Variants in RCC2 observed in about 807,000 individuals in gnomAD.
The protein encoded by RCC2 is protein RCC2.
A neutral mutation model predicts 64.1 loss-of-function variants in RCC2; 19 were observed. That is an observed-to-expected ratio of 0.30 (90% CI 0.21 to 0.44). The LOEUF (loss-of-function observed/expected upper bound fraction) is 0.44. RCC2 is among the 20% of genes least tolerant of loss of function. The pLI is 1.00. For missense variants in RCC2, 508 were observed against 710.4 expected (o/e 0.72, Z 3.24); for synonymous variants, 325 against 279.6 (o/e 1.16, Z -1.62).
At chr1:17,418,330 A>C (rs1430354253) in intron 7 of RCC2, among the ~76,000 whole-genome samples, 1 of 151,682 alleles carries the variant, frequency 6.6e-6, no homozygotes, top group Non-Finnish European at 1.5e-5. Flanking sequence ...CTGTTGACAT[A>C]ATCCCTTCCA....
intron 2 of RCC2, among the ~76,000 whole-genome samples, chr1:17,429,500 C>A (rs1412541957): frequency 6.6e-6 from 1 of 152,168 alleles, no homozygotes; most frequent in Non-Finnish European, 1.5e-5. Flanking sequence ...TACATGCCTC[C>A]TTCGCAAACT....
Position 17,413,725 on chromosome 1 carries a change from GAAAGA to G in RCC2, c.1027-13_1027-9del. The G allele has an allele frequency of 1.9e-6, 3 of 1,604,944 alleles. No individual in the cohort carries two copies. Among genetic ancestry groups the G allele is most frequent in the Non-Finnish European group, 2.6e-6 (3 of 1,176,210 alleles). On this transcript the variant is annotated splice_polypyrimidine_tract_variant and intron_variant, in intron 8 of 12. Transcript: ENST00000375436. ...CTGGGAGTCCAGGACCAGCTGCAAG[GAAAGA>G]AAACACAGGGTTGGAACAAACAGAC...
chr1:17,438,589 G>A (rs1570219152), intron 1 of RCC2, 67 bp from the exon 2 acceptor site: 1 of 1,260,446 alleles, frequency 7.9e-7, no homozygotes, highest in East Asian at 3.0e-5. Flanking sequence ...GGAGGGGAGC[G>A]GAGACGAGCC....
chr1:17,424,577 A>G (rs1405251656), intron 4 of RCC2, among the ~76,000 whole-genome samples: 1 of 152,210 alleles, frequency 6.6e-6, no homozygotes, highest in African/African-American at 2.4e-5. Flanking sequence ...TTTTTTCAAC[A>G]GAATTACAAA....
At chr1:17,424,866 G>A (rs2075595990) in intron 4 of RCC2, among the ~76,000 whole-genome samples, 1 of 152,214 alleles carries the variant, frequency 6.6e-6, no homozygotes, top group African/African-American at 2.4e-5. Flanking sequence ...GCAGGAATGG[G>A]CCGGCCGGCT....
At chr1:17,431,499 C>CAAAAAAAAAAAAAAAAAAAA (rs558362245) in intron 2 of RCC2, among the ~76,000 whole-genome samples, 1 of 57,904 alleles carries the variant, frequency 1.7e-5, no homozygotes, top group Non-Finnish European at 3.1e-5. Context: ...AGCCCTGTCT[C>CAAAAAAAAAAAAAAAAAAAA]AAAAAAAAAA....
chr1:17,437,570 G>A (rs2075748525), intron 2 of RCC2, among the ~76,000 whole-genome samples: 1 of 70,328 alleles, frequency 1.4e-5, no homozygotes, highest in Admixed American at 1.7e-4. Flanking sequence ...GGCTACAACA[G>A]AGCCCTCGCG....
At position 17,438,267 on chromosome 1, in the gene RCC2, A is replaced by C. The variant is rs200660338; in HGVS notation, c.248T>G (p.Val83Gly). 6 of 1,313,834 alleles carry C rather than the reference A, an allele frequency of 4.6e-6. No homozygotes were observed. The highest frequency in any genetic ancestry group is 5.9e-6 in the Non-Finnish European group (6 of 1,014,052). 81.4% of individuals were successfully genotyped at this position (1,313,834 alleles called of 1,614,324 possible). ...GGTGTGCTCGGGTTCGGTGATGACC[A>C]CGGCCGCGCCGCCCGCCTTGCCTGC... ...ATAGKAGGAA[V>G]VITEPEHTKE... The change falls in exon 2 of 13, where the codon GTG becomes GGG. Residue 83 changes from valine (V) to glycine (G), a missense_variant. By Grantham distance (109) the Val-to-Gly change is moderately radical. This residue lies in a region of RCC2 where 195 missense variants were observed against 158.3 expected (regional missense o/e 1.23). Coordinates refer to ENST00000375436, the MANE Select transcript of RCC2 (RefSeq NM_018715.4).
chr1:17,413,309 G>A, intron 9 of RCC2, 131 bp from the exon 10 acceptor site: 3 of 839,776 alleles, frequency 3.6e-6, no homozygotes, highest in South Asian at 1.6e-5. Flanking sequence ...CTGGAGCCAG[G>A]CGTGGTGGCG....
intron 2 of RCC2, among the ~76,000 whole-genome samples, chr1:17,434,662 A>C (rs1269271386): frequency 6.6e-6 from 1 of 152,200 alleles, no homozygotes; most frequent in Non-Finnish European, 1.5e-5. Flanking sequence ...GGGTGGAAGG[A>C]CAGTCTTGGG....
intron 2 of RCC2, among the ~76,000 whole-genome samples, chr1:17,435,362 C>T (rs1031954057): frequency 3.9e-5 from 6 of 152,340 alleles, no homozygotes; most frequent in Admixed American, 6.5e-5. Flanking sequence ...ATTTCCTGGG[C>T]GGCTGCTTTC....
intron 2 of RCC2, among the ~76,000 whole-genome samples, chr1:17,436,899 C>A (rs1315110748): frequency 6.6e-6 from 1 of 152,194 alleles, no homozygotes; most frequent in Non-Finnish European, 1.5e-5. Context: ...TTCCTGTGTT[C>A]CAGTTTCTCA....
chr1:17,431,711 A>G (rs2100391239), intron 2 of RCC2, among the ~76,000 whole-genome samples: 1 of 151,746 alleles, frequency 6.6e-6, no homozygotes, highest in East Asian at 1.9e-4. Context: ...GTCCCCCAAG[A>G]TATAGGTTCC....
intron 7 of RCC2, among the ~76,000 whole-genome samples, chr1:17,418,526 G>A (rs764951076): frequency 5.3e-5 from 8 of 152,060 alleles, no homozygotes; most frequent in Non-Finnish European, 1.2e-4. Flanking sequence ...GTGTGGTGGC[G>A]CACGCCTGTA....
chr1:17,427,804 T>TG (rs2075633544), intron 3 of RCC2, among the ~76,000 whole-genome samples: 1 of 149,138 alleles, frequency 6.7e-6, no homozygotes, highest in South Asian at 2.1e-4. Flanking sequence ...AAGGAAGGGC[T>TG]GGAGGGACTG....
chr1:17,427,862 C>T (rs565110503), intron 3 of RCC2, among the ~76,000 whole-genome samples: 1 of 152,250 alleles, frequency 6.6e-6, no homozygotes, highest in Admixed American at 6.5e-5. Flanking sequence ...AAATTAAACG[C>T]CCTGCAGCAG....
In RCC2 at chr1:17,422,694, C is replaced by T; in HGVS notation, c.655+11G>A. 2 of 1,612,920 alleles carry T rather than the reference C, an allele frequency of 1.2e-6. No individual in the cohort carries two copies. The highest frequency in any genetic ancestry group is 1.1e-5 in the South Asian group (1 of 91,066). On this transcript the variant is annotated intron_variant, in intron 5 of 12. Coordinates refer to ENST00000375436, the MANE Select transcript of RCC2 (RefSeq NM_018715.4). ...CAAACTGAGAGGAGACACCAGCAGC[C>T]ACCTCCTTACCCGTCAAGGCCAAGG...
chr1:17,436,506 C>CA lies in RCC2; in HGVS notation c.285+1723dup, dbSNP rs1406614709. Among the ~76,000 whole-genome samples the CA allele has an allele frequency of 2.0e-3, 287 of 147,022 alleles. 4 individuals are homozygous for CA. The highest frequency in any genetic ancestry group is 2.3e-3 in the Non-Finnish European group (152 of 66,446). ...CTGGCCATAGAGGGAGACTCTGCCT[C>CA]AAAAAAAAAAGACTAACAAATGTGC... is the stretch of plus-strand genomic sequence containing the variant. On this transcript the variant is annotated intron_variant, in intron 2 of 12. Transcript: ENST00000375436.
chr1:17,411,281 C>CAAA (rs1241971390), intron 11 of RCC2, among the ~76,000 whole-genome samples: 1 of 152,102 alleles, frequency 6.6e-6, no homozygotes, highest in Non-Finnish European at 1.5e-5. Context: ...AACAAAAACT[C>CAAA]AAAGACCCGC....
Sources: allele counts gnomAD v4.1 joint callset (sites outside exome capture counted in the v4.1 genomes callset), GRCh38; gene constraint gnomAD v4.1.1; regional missense constraint gnomAD v4.1.1; transcripts MANE v1.5; gene names NCBI Gene and HGNC (gene_info 2026-07-23, HGNC 2026-07-21).